Variants in CNTN1 observed in about 807,000 individuals in gnomAD.
CNTN1 encodes the protein contactin 1.
CNTN1 carries 38 observed loss-of-function variants against 126.4 expected under a neutral mutation model. The ratio of observed to expected loss-of-function variants is 0.30; its 90% CI spans 0.23 to 0.39. CNTN1 has a LOEUF of 0.39. CNTN1 is among the 10% of genes least tolerant of loss of function. The pLI, the probability that CNTN1 is intolerant of heterozygous loss-of-function variation, is 1.00. For synonymous variants in CNTN1, 413 were observed against 422.6 expected (o/e 0.98, Z 0.28); for missense variants, 1,009 against 1,248.4 (o/e 0.81, Z 2.89).
chr12:40,845,001 A>T (rs750388943), intron 1 of CNTN1, among the ~76,000 whole-genome samples: 2 of 152,198 alleles, frequency 1.3e-5, no homozygotes, highest in Admixed American at 6.5e-5. Flanking sequence ...CCAAACATGT[A>T]TATTTCTTAG....
At chr12:40,864,165 C>T (rs898661064) in intron 1 of CNTN1, among the ~76,000 whole-genome samples, 9 of 151,126 alleles carry the variant, frequency 6.0e-5, no homozygotes, top group Non-Finnish European at 8.8e-5. Context: ...TACAGGAGCC[C>T]GCCACCACGC....
At chr12:40,850,685 A>G (rs1367738049) in intron 1 of CNTN1, among the ~76,000 whole-genome samples, 4 of 152,180 alleles carry the variant, frequency 2.6e-5, no homozygotes, top group African/African-American at 9.6e-5. Context: ...ATGAATAAGT[A>G]TAAATAGTTT....
chr12:40,820,564 G>A lies in CNTN1; in HGVS notation c.-76-87793G>A, dbSNP rs75393714. Among the ~76,000 whole-genome samples, 988 of 152,306 alleles carry A rather than the reference G, an allele frequency of 6.5e-3. 13 individuals carry two copies. Among genetic ancestry groups the A allele is most frequent in the African/African-American group, 0.023 (944 of 41,558 alleles). ...ATAGAGCCAGTGGTCTGGAACATGG[G>A]TACAAGTGGAGTGGTCATGATTCTA... On this transcript the variant is annotated intron_variant, in intron 1 of 23. Transcript: ENST00000551295.
At chr12:40,950,097 G>GGT (rs59713493) in intron 14 of CNTN1, among the ~76,000 whole-genome samples, 4,322 of 145,198 alleles carry the variant, frequency 0.03, 73 homozygotes, top group East Asian at 0.078. Flanking sequence ...GTGTTGAGAG[G>GGT]GTGTGTGTGT....
At chr12:41,037,415 A>G (rs1269768117) in intron 23 of CNTN1, among the ~76,000 whole-genome samples, 1 of 152,074 alleles carries the variant, frequency 6.6e-6, no homozygotes, top group African/African-American at 2.4e-5. Context: ...TTGCCATTGT[A>G]TTACAATTGG....
chr12:40,860,332 T>A (rs942958838), intron 1 of CNTN1, among the ~76,000 whole-genome samples: 2 of 152,162 alleles, frequency 1.3e-5, no homozygotes, highest in Non-Finnish European at 2.9e-5. Flanking sequence ...GATGTCTTCT[T>A]TAATAACACT....
In CNTN1 at chr12:40,951,714, T is replaced by TAAAAAAA. The variant is rs1294780787; in HGVS notation, c.1684-7400_1684-7399insAAAAAAA. Among the ~76,000 whole-genome samples, 173 of 79,388 alleles carry TAAAAAAA rather than the reference T, an allele frequency of 2.2e-3. 8 individuals are homozygous for TAAAAAAA. Among genetic ancestry groups the TAAAAAAA allele is most frequent in the African/African-American group, 3.8e-3 (64 of 16,924 alleles). 52.1% of individuals were successfully genotyped at this position (79,388 alleles called of 152,430 possible). On this transcript the variant is annotated intron_variant, in intron 14 of 23. Coordinates refer to ENST00000551295, the MANE Select transcript of CNTN1 (RefSeq NM_001843.4). ...AAAGAGTGAGACTTTGTCTCAAAAT[T>TAAAAAAA]TAAAAAAAAAAAAAAAAAAAAAAAA...
chr12:40,970,768 A>G (rs1351617643), intron 15 of CNTN1, among the ~76,000 whole-genome samples: 8 of 152,140 alleles, frequency 5.3e-5, no homozygotes, highest in Non-Finnish European at 7.4e-5. Flanking sequence ...GTATTAGGTA[A>G]ATCGATTAGA....
At chr12:40,973,620 T>G (rs1032940744) in intron 15 of CNTN1, among the ~76,000 whole-genome samples, 17 of 152,170 alleles carry the variant, frequency 1.1e-4, no homozygotes, top group African/African-American at 4.1e-4. Flanking sequence ...GAAAAAAGAA[T>G]GTCACCAGTG....
chr12:40,847,982 G>C (rs1468703257), intron 1 of CNTN1, among the ~76,000 whole-genome samples: 1 of 152,188 alleles, frequency 6.6e-6, no homozygotes, highest in East Asian at 1.9e-4. Context: ...GCTCCTGTGA[G>C]AATCTAATGC....
chr12:40,798,786 G>A (rs1397019519), intron 1 of CNTN1, among the ~76,000 whole-genome samples: 1 of 151,862 alleles, frequency 6.6e-6, no homozygotes, highest in African/African-American at 2.4e-5. Context: ...AATAATTAAT[G>A]AGTACTAGGC....
Position 40,907,919 on chromosome 12 carries a change from G to A in CNTN1, c.-76-438G>A, listed in dbSNP as rs961226250. On this transcript the variant is annotated intron_variant, in intron 1 of 23. Coordinates refer to ENST00000551295, the MANE Select transcript of CNTN1 (RefSeq NM_001843.4). ...TGAGTTTACAAGCTCTTATACAAATGTAACTTCAATTGAATCTTTGAACCA... is the reference window on the plus strand; with the variant it reads ...TGAGTTTACAAGCTCTTATACAAATATAACTTCAATTGAATCTTTGAACCA... 3.3e-5 allele frequency among the ~76,000 whole-genome samples: 5 copies of A among 152,306 alleles called. No homozygotes were observed. The East Asian group carries it at 9.6e-4, about 29-fold the overall frequency.
intron 1 of CNTN1, among the ~76,000 whole-genome samples, chr12:40,874,847 G>T (rs1943616389): frequency 2.6e-5 from 4 of 152,182 alleles, no homozygotes; most frequent in African/African-American, 9.6e-5. Flanking sequence ...CTCAGGCAAT[G>T]ATTTACATAT....
chr12:40,906,491 G>A (rs923856202), intron 1 of CNTN1, among the ~76,000 whole-genome samples: 1 of 151,946 alleles, frequency 6.6e-6, no homozygotes, highest in African/African-American at 2.4e-5. Context: ...GCAAATCAGG[G>A]AGTATATGTG....
chr12:40,832,437 C>T (rs770001614), intron 1 of CNTN1, among the ~76,000 whole-genome samples: 2 of 152,118 alleles, frequency 1.3e-5, no homozygotes, highest in Non-Finnish European at 2.9e-5. Context: ...TACTTGCCTA[C>T]AGTATTCAGT....
At chr12:40,856,878 G>A (rs1393709877) in intron 1 of CNTN1, among the ~76,000 whole-genome samples, 4 of 152,000 alleles carry the variant, frequency 2.6e-5, no homozygotes, top group Non-Finnish European at 4.4e-5. Flanking sequence ...AAAGAAAGCT[G>A]CCATAAAAAT....
intron 1 of CNTN1, among the ~76,000 whole-genome samples, chr12:40,813,033 T>TCCTTC (rs1372625150): frequency 9.2e-6 from 1 of 109,170 alleles, no homozygotes; most frequent in Non-Finnish European, 1.9e-5. Flanking sequence ...TCTTTCTCTT[T>TCCTTC]CTTTCCTTTC....
intron 1 of CNTN1, among the ~76,000 whole-genome samples, chr12:40,794,687 G>A (rs1047202118): frequency 6.6e-6 from 1 of 151,994 alleles, no homozygotes; most frequent in Non-Finnish European, 1.5e-5. Flanking sequence ...ACAGAGAGAT[G>A]GAGAAAAGTT....
intron 23 of CNTN1, among the ~76,000 whole-genome samples, chr12:41,034,869 C>G (rs1949221701): frequency 6.6e-6 from 1 of 152,144 alleles, no homozygotes; most frequent in African/African-American, 2.4e-5. Flanking sequence ...GTGTGAGTCT[C>G]TAAATTCAAC....
Sources: gnomAD v4.1 joint callset for allele counts (sites outside exome capture counted in the v4.1 genomes callset) on GRCh38, gnomAD v4.1.1 for gene constraint, MANE v1.5 for transcripts, NCBI Gene and HGNC (gene_info 2026-07-23, HGNC 2026-07-21) for gene names.